DLG2: variants seen among roughly 807,000 people sequenced by gnomAD.
DLG2 encodes the protein disks large homolog 2.
DLG2 carries 45 observed loss-of-function variants against 132.5 expected under a neutral mutation model. The ratio of observed to expected loss-of-function variants is 0.34; its 90% CI spans 0.27 to 0.44. DLG2 has a LOEUF of 0.44. DLG2 is among the 20% of genes least tolerant of loss of function. DLG2 has a pLI of 1.00. For missense variants in DLG2, 1,045 were observed against 1,196.9 expected (o/e 0.87, Z 1.87); for synonymous variants, 424 against 419.6 (o/e 1.01, Z -0.13).
intron 18 of DLG2, among the ~76,000 whole-genome samples, chr11:83,785,690 G>T (rs1398520927): frequency 6.6e-6 from 1 of 152,200 alleles, no homozygotes; most frequent in Middle Eastern, 3.2e-3. Context: ...ACCATTAATG[G>T]TAAGATCTAA....
At chr11:84,502,354 CTTTCTTTCTTTCTTT>C (rs2099219585) in intron 7 of DLG2, among the ~76,000 whole-genome samples, 1 of 59,368 alleles carries the variant, frequency 1.7e-5, no homozygotes, top group Non-Finnish European at 3.0e-5. Flanking sequence ...TTCTTTCTTT[CTTTCTTTCTTTCTTT>C]CTTTCTTTCT....
intron 3 of DLG2, among the ~76,000 whole-genome samples, chr11:85,557,147 C>T (rs1422206984): frequency 6.6e-6 from 1 of 151,492 alleles, no homozygotes; most frequent in Non-Finnish European, 1.5e-5. Flanking sequence ...ATGATGAGAA[C>T]AGTAATAATA....
intron 11 of DLG2, among the ~76,000 whole-genome samples, chr11:84,049,283 C>T (rs2154117560): frequency 6.6e-6 from 1 of 151,888 alleles, no homozygotes; most frequent in South Asian, 2.1e-4. Flanking sequence ...AAATTTGTCA[C>T]ATCAGTTATA....
chr11:84,422,677 T>C (rs909243584), intron 7 of DLG2, among the ~76,000 whole-genome samples: 5 of 152,168 alleles, frequency 3.3e-5, no homozygotes, highest in African/African-American at 9.7e-5. Context: ...CAAATTAATA[T>C]ATACTAAGGA....
intron 3 of DLG2, among the ~76,000 whole-genome samples, chr11:85,569,999 AG>A (rs1193777229): frequency 6.6e-6 from 1 of 152,188 alleles, no homozygotes; most frequent in Admixed American, 6.5e-5. Context: ...TAGAGGGAAG[AG>A]GGGGACGTAC....
chr11:84,355,354 A>T (rs1378956660), intron 7 of DLG2, among the ~76,000 whole-genome samples: 1 of 152,044 alleles, frequency 6.6e-6, no homozygotes, highest in Non-Finnish European at 1.5e-5. Context: ...CAAGATGATG[A>T]TATTAGGAAG....
chr11:85,054,156 T>A (rs1378575672), intron 6 of DLG2, among the ~76,000 whole-genome samples: 1 of 150,830 alleles, frequency 6.6e-6, no homozygotes. Flanking sequence ...CCCCAGATAC[T>A]GGGGAGGCTG....
chr11:84,827,676 C>CAAAAAAAAAAAAAAAAAAAAA (rs398016953), intron 6 of DLG2, among the ~76,000 whole-genome samples: 4 of 35,102 alleles, frequency 1.1e-4, no homozygotes, highest in African/African-American at 1.4e-4. Flanking sequence ...TACATACAGT[C>CAAAAAAAAAAAAAAAAAAAAA]AAAAAAAAAA....
chr11:84,196,006 A>T (rs2096509140), intron 8 of DLG2, among the ~76,000 whole-genome samples: 1 of 152,236 alleles, frequency 6.6e-6, no homozygotes, highest in Non-Finnish European at 1.5e-5. Context: ...CAAGTGCTTA[A>T]CATAAAACCA....
chr11:84,648,194 G>T (rs1276902475), intron 6 of DLG2, among the ~76,000 whole-genome samples: 3 of 152,124 alleles, frequency 2.0e-5, no homozygotes, highest in Non-Finnish European at 4.4e-5. Flanking sequence ...CATTTAGAAT[G>T]CTAATGCGTA....
At chr11:84,042,204 C>T (rs1263214234) in intron 11 of DLG2, among the ~76,000 whole-genome samples, 1 of 151,788 alleles carries the variant, frequency 6.6e-6, no homozygotes, top group African/African-American at 2.4e-5. Context: ...CATTTTTTCC[C>T]ACTTAATCAA....
Position 84,733,680 on chromosome 11 carries a change from G to A in DLG2, c.358-198949C>T, listed in dbSNP as rs1169489336. On this transcript the variant is annotated intron_variant, in intron 6 of 27. Transcript: ENST00000376104. ...GTCAATTTTGGCTTTTGTTGCCATTGTTTTTGGTGTTATAGACATGAAGTC... is the reference window on the plus strand; with the variant it reads ...GTCAATTTTGGCTTTTGTTGCCATTATTTTTGGTGTTATAGACATGAAGTC... Among the ~76,000 whole-genome samples, 5 of 152,248 alleles carry A rather than the reference G, an allele frequency of 3.3e-5. No homozygotes were observed. In the South Asian group the frequency reaches 8.3e-4, roughly 25 times the overall value.
intron 3 of DLG2, chr11:85,452,199 A>C (rs2092271667): frequency 6.6e-6 from 1 of 152,138 alleles, no homozygotes; most frequent in African/African-American, 2.4e-5. Context: ...AAATGGGTTT[A>C]GTTTTTGGTG....
intron 4 of DLG2, among the ~76,000 whole-genome samples, chr11:85,187,661 G>C (rs1329585718): frequency 3.9e-5 from 6 of 152,026 alleles, no homozygotes; most frequent in African/African-American, 1.4e-4. Context: ...GCGTTGACTG[G>C]GCATGCTCCC....
intron 8 of DLG2, among the ~76,000 whole-genome samples, chr11:84,201,405 C>T (rs1253395276): frequency 7.2e-5 from 11 of 152,094 alleles, no homozygotes; most frequent in Non-Finnish European, 1.3e-4. Context: ...CTGATATTTT[C>T]TTTTTTGTTG....
intron 3 of DLG2, among the ~76,000 whole-genome samples, chr11:85,492,076 T>G (rs2093572919): frequency 6.6e-6 from 1 of 152,100 alleles, no homozygotes; most frequent in African/African-American, 2.4e-5. Context: ...GTTAACAATG[T>G]AATATATTCT....
chr11:84,831,600 A>C (rs550767688), intron 6 of DLG2, among the ~76,000 whole-genome samples: 11 of 151,652 alleles, frequency 7.3e-5, no homozygotes, highest in African/African-American at 2.7e-4. Flanking sequence ...AAGAAGGCAA[A>C]AGATAACTTT....
chr11:85,044,608 G>C (rs912159467), intron 6 of DLG2, among the ~76,000 whole-genome samples: 1 of 151,940 alleles, frequency 6.6e-6, no homozygotes, highest in Admixed American at 6.6e-5. Flanking sequence ...AGTTACTTTG[G>C]ATACAATCAT....
At chr11:84,527,345 A>G (rs777324989) in intron 7 of DLG2, among the ~76,000 whole-genome samples, 4 of 152,192 alleles carry the variant, frequency 2.6e-5, no homozygotes, top group Non-Finnish European at 4.4e-5. Flanking sequence ...TAGTAAGAAA[A>G]TAGTATAAAA....
Sources: allele counts gnomAD v4.1 joint callset (sites outside exome capture counted in the v4.1 genomes callset), GRCh38; gene constraint gnomAD v4.1.1; transcripts MANE v1.5; gene names NCBI Gene and HGNC (gene_info 2026-07-23, HGNC 2026-07-21).